SLC5A4: variants seen among roughly 807,000 people sequenced by gnomAD.
SLC5A4 encodes the protein solute carrier family 5 member 4.
In SLC5A4, 55 loss-of-function variants were observed where a neutral mutation model predicts 70.3. The observed-to-expected ratio is 0.78, with a 90% CI of 0.63 to 0.98. SLC5A4 has a LOEUF of 0.98. Among genes scored for constraint, SLC5A4 ranks in the 50% least tolerant of loss-of-function variants. The pLI, the probability that SLC5A4 is intolerant of heterozygous loss-of-function variation, is 0.00. For synonymous variants in SLC5A4, 268 were observed against 305.7 expected, an observed-to-expected ratio of 0.88 and a Z score of 1.29; for missense variants, 735 against 839.2, an observed-to-expected ratio of 0.88 and a Z score of 1.53.
the SLC5A4 span, among the ~76,000 whole-genome samples, chr22:32,314,087 A>C: frequency 6.6e-6 from 1 of 152,212 alleles, no homozygotes; most frequent in Non-Finnish European, 1.5e-5. Flanking sequence ...CCACCTCCCC[A>C]GAGTGAGAGA....
At chr22:32,309,876 G>A in the SLC5A4 span, among the ~76,000 whole-genome samples, 1 of 151,798 alleles carries the variant, frequency 6.6e-6, no homozygotes, top group East Asian at 1.9e-4. Flanking sequence ...TGCCTTTGCT[G>A]CAAGCTATCT....
chr22:32,241,797 GTGTGTGTATATATATCTGTA>G (rs1926530157), intron 5 of SLC5A4, among the ~76,000 whole-genome samples: 1 of 140,322 alleles, frequency 7.1e-6, no homozygotes, highest in African/African-American at 3.1e-5. Flanking sequence ...GTGTGTGTGT[GTGTGTGTATATATATCTGTA>G]TGTGTGTGTG....
At chr22:32,335,947 T>C in the SLC5A4 span, among the ~76,000 whole-genome samples, 1 of 152,314 alleles carries the variant, frequency 6.6e-6, no homozygotes, top group Middle Eastern at 3.4e-3. Context: ...GAAATGCCCG[T>C]GTTGGGAGAC....
chr22:32,269,770 C>CAG, the SLC5A4 span: 3 of 679,590 alleles, frequency 4.4e-6, no homozygotes, highest in East Asian at 1.1e-4. The surrounding 1 kb of genome is among the most constrained non-coding windows in gnomAD (Gnocchi z 4.1). Context: ...GTGTGAATCC[C>CAG]CCTGGACTGC....
the SLC5A4 span, among the ~76,000 whole-genome samples, chr22:32,280,393 G>A: frequency 2.6e-5 from 4 of 152,082 alleles, no homozygotes; most frequent in Non-Finnish European, 4.4e-5. Flanking sequence ...GGGAATTCCC[G>A]TCCCTCTGTT....
At chr22:32,249,804 C>CA in intron 3 of SLC5A4, among the ~76,000 whole-genome samples, 1 of 152,216 alleles carries the variant, frequency 6.6e-6, no homozygotes, top group Non-Finnish European at 1.5e-5. Flanking sequence ...ACATGTCCAG[C>CA]CTTGTGCTAG....
the SLC5A4 span, among the ~76,000 whole-genome samples, chr22:32,292,133 T>TTA: frequency 5.4e-5 from 2 of 36,922 alleles, 1 homozygote; most frequent in Non-Finnish European, 1.1e-4. Flanking sequence ...ATACTAGATA[T>TTA]TATATATTAT....
At chr22:32,306,729 G>A in the SLC5A4 span, among the ~76,000 whole-genome samples, 3 of 152,156 alleles carry the variant, frequency 2.0e-5, no homozygotes, top group African/African-American at 7.2e-5. Context: ...GAGGTCTCCT[G>A]CCTTGTTAAG....
At chr22:32,255,072 A>G (rs535866219) in intron 1 of SLC5A4, 123 bp downstream of exon 1, 71 of 941,738 alleles carry the variant, frequency 7.5e-5, no homozygotes, top group Admixed American at 1.6e-4. Context: ...ACACACAAGA[A>G]AATGATTCTG....
At chr22:32,336,482 G>A in the SLC5A4 span, among the ~76,000 whole-genome samples, 1 of 152,234 alleles carries the variant, frequency 6.6e-6, no homozygotes, top group African/African-American at 2.4e-5. Context: ...CTCTTCCGGG[G>A]CAGGATTATA....
chr22:32,354,120 T>C, the SLC5A4 span, among the ~76,000 whole-genome samples: 1 of 146,004 alleles, frequency 6.8e-6, no homozygotes, highest in Non-Finnish European at 1.5e-5. Flanking sequence ...TACAGACCTC[T>C]GATAGCACCC....
At chr22:32,349,510 A>T in the SLC5A4 span, among the ~76,000 whole-genome samples, 3 of 152,220 alleles carry the variant, frequency 2.0e-5, no homozygotes, top group South Asian at 6.2e-4. Flanking sequence ...GAAGTGGTCT[A>T]TGACATTAAA....
chr22:32,274,272 C>T, the SLC5A4 span, among the ~76,000 whole-genome samples: 5 of 152,062 alleles, frequency 3.3e-5, no homozygotes, highest in Admixed American at 6.6e-5. Context: ...GATCTCCTGA[C>T]CTCGTGCTCC....
At chr22:32,349,078 G>A in the SLC5A4 span, among the ~76,000 whole-genome samples, 7 of 152,094 alleles carry the variant, frequency 4.6e-5, no homozygotes, top group Non-Finnish European at 4.4e-5. Flanking sequence ...AGGTTCAAGT[G>A]ATTTCCCTGC....
At chr22:32,348,816 T>A in the SLC5A4 span, among the ~76,000 whole-genome samples, 1 of 152,208 alleles carries the variant, frequency 6.6e-6, no homozygotes, top group Non-Finnish European at 1.5e-5. Flanking sequence ...ATATTTAATT[T>A]ATGGAAGAAC....
At chr22:32,307,319 G>C in the SLC5A4 span, among the ~76,000 whole-genome samples, 1 of 152,188 alleles carries the variant, frequency 6.6e-6, no homozygotes. Context: ...CTGTTGGCCA[G>C]GGGTTTGGAC....
intron 6 of SLC5A4, among the ~76,000 whole-genome samples, chr22:32,238,269 A>G (rs1926180931): frequency 6.6e-6 from 1 of 152,122 alleles, no homozygotes; most frequent in Non-Finnish European, 1.5e-5. Context: ...GGTCTGCCAT[A>G]GCACATGTAT....
the SLC5A4 span, among the ~76,000 whole-genome samples, chr22:32,311,982 C>G: frequency 1.3e-5 from 2 of 152,134 alleles, no homozygotes. Flanking sequence ...GGGCACCCCC[C>G]TTCCCCACTG....
chr22:32,332,290 C>T, the SLC5A4 span, among the ~76,000 whole-genome samples: 1 of 152,246 alleles, frequency 6.6e-6, no homozygotes, highest in African/African-American at 2.4e-5. Flanking sequence ...GCCACCCGTC[C>T]CCTCCTGCAC....
Sources: allele counts gnomAD v4.1 joint callset (sites outside exome capture counted in the v4.1 genomes callset), GRCh38; gene constraint gnomAD v4.1.1; non-coding constraint Gnocchi (gnomAD v3.1); transcripts MANE v1.5; gene names NCBI Gene and HGNC (gene_info 2026-07-23, HGNC 2026-07-21).